The following RBMS3 variants were observed in gnomAD, a reference collection of about 807,000 sequenced individuals.
RBMS3 encodes the protein RNA binding motif single stranded interacting protein 3.
A neutral mutation model predicts 66.8 loss-of-function variants in RBMS3; 27 were observed. The observed-to-expected ratio is 0.40, with a 90% CI of 0.30 to 0.56. The LOEUF (loss-of-function observed/expected upper bound fraction) is 0.56. RBMS3 is among the 20% of genes least tolerant of loss of function. The probability of loss-of-function intolerance (pLI) is 0.40; values close to 1 mark genes in which losing one functional copy is unlikely to be tolerated. For synonymous variants in RBMS3, 188 were observed against 183.0 expected, an observed-to-expected ratio of 1.03 and a Z score of -0.22; for missense variants, 513 against 549.5, an observed-to-expected ratio of 0.93 and a Z score of 0.66.
chr3:29,623,104 C>CA (rs397875682), intron 4 of RBMS3, among the ~76,000 whole-genome samples: 9,690 of 83,562 alleles, frequency 0.12, 541 homozygotes, highest in African/African-American at 0.22. Context: ...GACTCCCTCT[C>CA]AAAAAAAAAA....
At chr3:29,359,875 A>T (rs920874716) in intron 1 of RBMS3, among the ~76,000 whole-genome samples, 1 of 152,048 alleles carries the variant, frequency 6.6e-6, no homozygotes, top group Non-Finnish European at 1.5e-5. Flanking sequence ...TTGTATTTCT[A>T]TGGGATCAGT....
chr3:29,595,349 A>G (rs1389717704), intron 4 of RBMS3, among the ~76,000 whole-genome samples: 1 of 151,404 alleles, frequency 6.6e-6, no homozygotes, highest in African/African-American at 2.4e-5. Flanking sequence ...CAGTGAACCA[A>G]GATCGCACCA....
intron 6 of RBMS3, among the ~76,000 whole-genome samples, chr3:29,824,747 A>G (rs1465968187): frequency 6.6e-6 from 1 of 152,204 alleles, no homozygotes; most frequent in Non-Finnish European, 1.5e-5. Context: ...ACAAATTCCA[A>G]TGAAATCTAG....
intron 4 of RBMS3, among the ~76,000 whole-genome samples, chr3:29,674,100 T>C (rs929088137): frequency 3.9e-5 from 6 of 152,128 alleles, no homozygotes; most frequent in African/African-American, 1.2e-4. Context: ...TGGTTCAACA[T>C]ATGCAAATCA....
chr3:29,868,914 A>C lies in RBMS3; in HGVS notation c.694A>C (p.Asn232His). 1.9e-6 allele frequency: 3 copies of C among 1,604,674 alleles called. No homozygotes were observed. Among genetic ancestry groups the C allele is most frequent in the Non-Finnish European group, 2.6e-6 (3 of 1,175,004 alleles). Residue 232 changes from asparagine to histidine, a missense_variant, in exon 7 of 15, where the codon AAT (asparagine) becomes CAT (histidine). By Grantham distance (68) the Asn-to-His change is moderately conservative. Transcript: ENST00000383767. ...TGATGGAGGACAAAAGAAGCGACAG[A>C]ATCAAAGCAAATATACCCAGAATGG... ...FADGGQKKRQ[N>H]QSKYTQNGRP...
chr3:29,711,418 A>C (rs910715880), intron 4 of RBMS3, among the ~76,000 whole-genome samples: 5 of 152,128 alleles, frequency 3.3e-5, no homozygotes, highest in Non-Finnish European at 7.4e-5. Flanking sequence ...GAGAGTTTCT[A>C]TGGTTTGACT....
intron 4 of RBMS3, among the ~76,000 whole-genome samples, chr3:29,653,129 A>G (rs2050200924): frequency 6.6e-6 from 1 of 152,128 alleles, no homozygotes; most frequent in Non-Finnish European, 1.5e-5. Flanking sequence ...TTTGCTCAGA[A>G]ATTGTGGTGG....
In RBMS3 at chr3:29,664,775, C is replaced by T. The variant is rs138598732; in HGVS notation, c.400-74945C>T. Among the ~76,000 whole-genome samples, 625 of 151,844 alleles carry T rather than the reference C, an allele frequency of 4.1e-3. 2 individuals carry two copies. Among genetic ancestry groups the T allele is most frequent in the Admixed American group, 7.9e-3 (121 of 15,254 alleles). Reference sequence around the variant, plus strand: ...AAACATTTTGGATGTTAATTAAAACCCTATTCTATATGTGGGTTGAAGCAT... The same window carrying T: ...AAACATTTTGGATGTTAATTAAAACTCTATTCTATATGTGGGTTGAAGCAT... On this transcript the variant is annotated intron_variant, in intron 4 of 14. Transcript: ENST00000383767.
At chr3:29,740,454 A>T (rs1291009381) in intron 5 of RBMS3, among the ~76,000 whole-genome samples, 2 of 152,212 alleles carry the variant, frequency 1.3e-5, no homozygotes, top group Non-Finnish European at 2.9e-5. Context: ...GGGGAAAAAA[A>T]AATATTCCTT....
chr3:29,514,789 A>G (rs1351690880), intron 3 of RBMS3, among the ~76,000 whole-genome samples: 4 of 150,156 alleles, frequency 2.7e-5, no homozygotes, highest in African/African-American at 9.8e-5. Flanking sequence ...TATATATATG[A>G]TAGGCATATA....
chr3:29,821,515 T>C, intron 6 of RBMS3, among the ~76,000 whole-genome samples: 1 of 152,148 alleles, frequency 6.6e-6, no homozygotes, highest in East Asian at 1.9e-4. Context: ...AGCATAGGCT[T>C]ATAAAGAAAC....
intron 4 of RBMS3, among the ~76,000 whole-genome samples, chr3:29,705,969 G>T (rs1320452639): frequency 6.6e-6 from 1 of 152,148 alleles, no homozygotes; most frequent in Non-Finnish European, 1.5e-5. Context: ...AAAACAGCAG[G>T]TGTACCAGCA....
At chr3:29,634,188 G>A (rs2049386266) in intron 4 of RBMS3, among the ~76,000 whole-genome samples, 1 of 151,852 alleles carries the variant, frequency 6.6e-6, no homozygotes, top group South Asian at 2.1e-4. Context: ...TCTTCTTTGA[G>A]GTGGATTTTT....
chr3:29,835,983 A>G (rs940969567), intron 6 of RBMS3, among the ~76,000 whole-genome samples: 1 of 151,990 alleles, frequency 6.6e-6, no homozygotes, highest in Admixed American at 6.6e-5. Flanking sequence ...AGAGGCTAAT[A>G]TAAACAATTA....
chr3:29,696,384 T>C (rs1325894201), intron 4 of RBMS3, among the ~76,000 whole-genome samples: 1 of 152,162 alleles, frequency 6.6e-6, no homozygotes, highest in East Asian at 1.9e-4. Context: ...GTACCTGCCA[T>C]TATTATTGCA....
intron 6 of RBMS3, among the ~76,000 whole-genome samples, chr3:29,825,127 G>A (rs1404067261): frequency 3.3e-5 from 5 of 150,014 alleles, no homozygotes; most frequent in African/African-American, 4.9e-5. Context: ...CCTCTACCTC[G>A]CAGCTTCAAG....
intron 1 of RBMS3, among the ~76,000 whole-genome samples, chr3:29,380,446 G>T (rs966579100): frequency 6.6e-6 from 1 of 152,128 alleles, no homozygotes; most frequent in Non-Finnish European, 1.5e-5. Context: ...TGGCATAATT[G>T]TAAAAAATCT....
rs982119737 is a variant in RBMS3 at position 29,889,878 on chromosome 3, G to A, written c.791+5670G>A. On this transcript the variant is annotated intron_variant, in intron 8 of 14. Transcript: ENST00000383767. ...ATCAGGGAAACCATCCTCCTCCCCAGCCATCAAGTCAGTCTGTCCCCATGT... is the reference window on the plus strand; with the variant it reads ...ATCAGGGAAACCATCCTCCTCCCCAACCATCAAGTCAGTCTGTCCCCATGT... Among the ~76,000 whole-genome samples the A allele has an allele frequency of 6.6e-5, 10 of 151,598 alleles. No individual in the cohort carries two copies. The East Asian group carries it at 2.0e-3, about 30-fold the overall frequency.
At chr3:29,543,933 T>C (rs113811040) in intron 3 of RBMS3, among the ~76,000 whole-genome samples, 5 of 152,128 alleles carry the variant, frequency 3.3e-5, no homozygotes, top group African/African-American at 1.2e-4. Context: ...ATTTGGGTAA[T>C]AAAAGTATTA....
Sources: allele counts gnomAD v4.1 joint callset (sites outside exome capture counted in the v4.1 genomes callset), GRCh38; gene constraint gnomAD v4.1.1; transcripts MANE v1.5; gene names NCBI Gene and HGNC (gene_info 2026-07-23, HGNC 2026-07-21).